Variants in GABBR2 observed in about 807,000 individuals in gnomAD.
GABBR2 encodes the protein G-protein coupled receptor 51.
In GABBR2, 23 loss-of-function variants were observed where a neutral mutation model predicts 105.6. The ratio of observed to expected loss-of-function variants is 0.22; its 90% CI spans 0.16 to 0.31. The LOEUF (loss-of-function observed/expected upper bound fraction) is 0.31, where lower values mean the gene tolerates loss of function less well. Among genes scored for constraint, GABBR2 ranks in the 10% least tolerant of loss-of-function variants. GABBR2 has a pLI of 1.00. For missense variants in GABBR2, 734 were observed against 1,245.5 expected (o/e 0.59, Z 6.18); for synonymous variants, 478 against 499.7 (o/e 0.96, Z 0.58).
intron 8 of GABBR2, among the ~76,000 whole-genome samples, chr9:98,398,557 T>C (rs935137708): frequency 2.0e-5 from 3 of 152,146 alleles, no homozygotes; most frequent in African/African-American, 7.2e-5. Context: ...CTGCTCTGTG[T>C]GACGTCCCCT....
chr9:98,442,147 T>A (rs902741441), intron 7 of GABBR2, among the ~76,000 whole-genome samples: 4 of 152,312 alleles, frequency 2.6e-5, no homozygotes, highest in Admixed American at 1.3e-4. Context: ...TAAAATGCCC[T>A]CCCTCCTCCC....
chr9:98,378,357 C>T (rs1471328803), intron 11 of GABBR2, among the ~76,000 whole-genome samples: 1 of 152,130 alleles, frequency 6.6e-6, no homozygotes, highest in East Asian at 1.9e-4. Context: ...CGAACCCCAC[C>T]CTGCCAGCTG....
chr9:98,700,321 A>G (rs754067954), intron 1 of GABBR2, among the ~76,000 whole-genome samples: 6 of 152,330 alleles, frequency 3.9e-5, no homozygotes, highest in Non-Finnish European at 8.8e-5. Context: ...AGATGCAATC[A>G]GCTAATGGTC....
chr9:98,464,989 G>A lies in GABBR2; in HGVS notation c.999+8157C>T, dbSNP rs565649269. 3.0e-4 allele frequency among the ~76,000 whole-genome samples: 46 copies of A among 152,148 alleles called. 1 individual carries two copies. Among genetic ancestry groups the A allele is most frequent in the East Asian group, 7.7e-4 (4 of 5,180 alleles). On this transcript the variant is annotated intron_variant, in intron 6 of 18. Coordinates refer to ENST00000259455, the MANE Select transcript of GABBR2 (RefSeq NM_005458.8). The stretch of plus-strand genomic sequence containing the variant: ...GGGGACACAAACAGGGCCGAAGGCC[G>A]CAGGGACCTCTGCCTAGGAAAACCA...
intron 4 of GABBR2, among the ~76,000 whole-genome samples, chr9:98,481,547 TC>T (rs1826923175): frequency 6.6e-6 from 1 of 152,174 alleles, no homozygotes; most frequent in Non-Finnish European, 1.5e-5. Flanking sequence ...CTACAGAGCT[TC>T]CCAATTAAGA....
intron 1 of GABBR2, among the ~76,000 whole-genome samples, chr9:98,654,064 T>G (rs1830145187): frequency 6.6e-6 from 1 of 152,222 alleles, no homozygotes. Context: ...AATTCAGTAG[T>G]CTTTCTGTCT....
chr9:98,363,410 G>T (rs566825437), intron 12 of GABBR2, among the ~76,000 whole-genome samples: 2 of 152,246 alleles, frequency 1.3e-5, no homozygotes, highest in South Asian at 4.1e-4. Context: ...AGCAAATATT[G>T]TTATTATTCT....
intron 1 of GABBR2, among the ~76,000 whole-genome samples, chr9:98,588,823 C>T (rs1829109285): frequency 6.6e-6 from 1 of 152,188 alleles, no homozygotes; most frequent in Non-Finnish European, 1.5e-5. Context: ...CCCAGGTTGG[C>T]CTGTAAAACC....
chr9:98,424,416 G>A (rs573505615), intron 7 of GABBR2, among the ~76,000 whole-genome samples: 2 of 151,572 alleles, frequency 1.3e-5, no homozygotes, highest in African/African-American at 4.8e-5. Context: ...CTTTGAAAAC[G>A]GGCACAAGAC....
At chr9:98,403,755 A>AT (rs1564053834) in intron 8 of GABBR2, among the ~76,000 whole-genome samples, 10,188 of 141,278 alleles carry the variant, frequency 0.072, 443 homozygotes, top group Middle Eastern at 0.14. Flanking sequence ...AGAAAAAAAA[A>AT]AATATATATA....
At chr9:98,343,010 G>A (rs1243373001) in intron 13 of GABBR2, among the ~76,000 whole-genome samples, 1 of 152,196 alleles carries the variant, frequency 6.6e-6, no homozygotes, top group Admixed American at 6.5e-5. Flanking sequence ...AAAACTCTAT[G>A]TGTTTGCCTC....
At chr9:98,453,088 G>A (rs1826260758) in intron 7 of GABBR2, among the ~76,000 whole-genome samples, 2 of 152,086 alleles carry the variant, frequency 1.3e-5, no homozygotes, top group Admixed American at 6.6e-5. Context: ...GTGCAATGAC[G>A]CGATCTCAGC....
chr9:98,578,963 G>C (rs1828962334), intron 1 of GABBR2, among the ~76,000 whole-genome samples: 1 of 152,174 alleles, frequency 6.6e-6, no homozygotes, highest in South Asian at 2.1e-4. Context: ...GGGGGGAGCA[G>C]GGAAGGGGTC....
At chr9:98,694,794 G>A (rs1341685811) in intron 1 of GABBR2, among the ~76,000 whole-genome samples, 1 of 152,180 alleles carries the variant, frequency 6.6e-6, no homozygotes, top group Admixed American at 6.5e-5. Context: ...AAGCAGAGCA[G>A]ACATTACTAT....
chr9:98,311,173 G>A lies in GABBR2; in HGVS notation c.1926C>T (p.Arg642=). 1.2e-6 allele frequency: 2 copies of A among 1,613,594 alleles called. No individual in the cohort carries two copies. Among genetic ancestry groups the A allele is most frequent in the Non-Finnish European group, 8.5e-7 (1 of 1,179,522 alleles). The change falls in exon 14 of 19, where the codon CGC becomes CGT. Residue 642 remains arginine (R), a synonymous_variant. Transcript: ENST00000259455. ...TGTTCTCACAGTGCTCCAGGAGAGG[G>A]CGGATGGAGATATCCCGTCCTGCTG... The part of the protein sequence containing the change: ...PDPAGRDISI[R]PLLEHCENTH...
chr9:98,676,309 C>G (rs936515415), intron 1 of GABBR2, among the ~76,000 whole-genome samples: 1 of 152,202 alleles, frequency 6.6e-6, no homozygotes, highest in Non-Finnish European at 1.5e-5. Context: ...TCCTGACAAG[C>G]TTTTGACCTT....
chr9:98,294,888 C>A (rs765101304), intron 17 of GABBR2, among the ~76,000 whole-genome samples: 18 of 152,096 alleles, frequency 1.2e-4, no homozygotes, highest in South Asian at 4.1e-4. Flanking sequence ...TATTGTGTAG[C>A]CACAAAATAT....
chr9:98,386,081 C>T lies in GABBR2; in HGVS notation c.1530-309G>A, dbSNP rs1043807234. ...TCCTTCACTAAAAGACCTCAGACAA[C>T]TATATATTTCTAATTGTTGATTTCC... On this transcript the variant is annotated intron_variant, in intron 10 of 18. Transcript: ENST00000259455. 3.9e-5 allele frequency among the ~76,000 whole-genome samples: 6 copies of T among 152,180 alleles called. No homozygotes were observed. In the East Asian group the frequency reaches 1.2e-3, roughly 29 times the overall value.
intron 13 of GABBR2, among the ~76,000 whole-genome samples, chr9:98,322,107 C>T (rs1002034193): frequency 6.6e-6 from 1 of 152,126 alleles, no homozygotes; most frequent in African/African-American, 2.4e-5. Flanking sequence ...TGGCCAGATG[C>T]AGGGGATCCT....
Sources: gnomAD v4.1 joint callset for allele counts (sites outside exome capture counted in the v4.1 genomes callset) on GRCh38, gnomAD v4.1.1 for gene constraint, MANE v1.5 for transcripts, NCBI Gene and HGNC (gene_info 2026-07-23, HGNC 2026-07-21) for gene names.